Variants in FCHSD1 observed in about 807,000 individuals in gnomAD.
FCHSD1 encodes the protein FCH and double SH3 domains 1.
Under a neutral mutation model 101.3 loss-of-function variants are expected in FCHSD1, and 109 were observed. The observed-to-expected ratio is 1.08, with a 90% CI of 0.92 to 1.26. FCHSD1 has a LOEUF of 1.26. Among genes scored for constraint, FCHSD1 ranks in the 50% most tolerant of loss-of-function variants. The pLI, the probability that FCHSD1 is intolerant of heterozygous loss-of-function variation, is 0.00. For synonymous variants in FCHSD1, 291 were observed against 356.8 expected (o/e 0.82, Z 2.08); for missense variants, 820 against 895.8 (o/e 0.92, Z 1.08).
Position 141,648,080 on chromosome 5 carries a change from G to A in FCHSD1, c.593C>T (p.Ala198Val). The A allele has an allele frequency of 4.3e-6, 7 of 1,612,554 alleles. No individual in the cohort carries two copies. Among genetic ancestry groups the A allele is most frequent in the Non-Finnish European group, 5.9e-6 (7 of 1,178,902 alleles). The change falls in exon 8 of 20, where the codon GCC (alanine) becomes GTC (valine). Residue 198 changes from alanine to valine, a missense_variant. Ala to Val is a moderately conservative substitution (Grantham distance 64, BLOSUM62 0). Transcript: ENST00000435817. ...KLSTKLSAQS[A>V]QYSQQLQAAR... ...TGCTTGCAGCTGCTGGGAGTACTGG[G>A]CTGACTGGGCGGACAGCTAGGAGGG...
intron 3 of FCHSD1, 47 bp downstream of exon 3, chr5:141,650,312 T>C: frequency 1.2e-6 from 2 of 1,612,044 alleles, no homozygotes; most frequent in Non-Finnish European, 8.5e-7. Context: ...ACTGGTGATA[T>C]AAGAGAGGCT....
At chr5:141,646,272 G>C (rs1326476292) in intron 11 of FCHSD1, 81 bp from the exon 12 acceptor site, 2 of 1,231,836 alleles carry the variant, frequency 1.6e-6, no homozygotes, top group Non-Finnish European at 2.3e-6. Context: ...TTTGCTAGTT[G>C]CATCACATAC....
At chr5:141,641,618 C>G in intron 19 of FCHSD1, 55 bp from the exon 20 acceptor site, 1 of 1,605,092 alleles carries the variant, frequency 6.2e-7, no homozygotes, top group Non-Finnish European at 8.5e-7. Flanking sequence ...GTATCCCTGT[C>G]TATTCCCTCA....
chr5:141,643,219 T>TGTGG, intron 17 of FCHSD1, 131 bp from the exon 18 acceptor site: 1 of 563,496 alleles, frequency 1.8e-6, no homozygotes, highest in Non-Finnish European at 2.9e-6. Flanking sequence ...TTGCATTCGG[T>TGTGG]GGGGGGGTGT....
intron 18 of FCHSD1, 117 bp downstream of exon 18, chr5:141,642,884 C>T (rs1161964079): frequency 9.7e-7 from 1 of 1,026,356 alleles, no homozygotes; most frequent in Non-Finnish European, 1.4e-6. Context: ...GGCAAGTGCT[C>T]TCCACCAAGC....
chr5:141,643,848 CAA>C (rs56206715), intron 17 of FCHSD1, among the ~76,000 whole-genome samples: 12 of 124,988 alleles, frequency 9.6e-5, no homozygotes, highest in Non-Finnish European at 1.0e-4. Context: ...AACTCTGTCT[CAA>C]AAAAAAAAAA....
Position 141,649,455 on chromosome 5 carries a change from G to A in FCHSD1, c.315C>T (p.Asp105=), listed in dbSNP as rs779213216. 1.2e-6 allele frequency: 2 copies of A among 1,613,980 alleles called. No homozygotes were observed. The highest frequency in any genetic ancestry group is 1.1e-5 in the South Asian group (1 of 91,090). The stretch of plus-strand genomic sequence containing the variant: ...TACCCCCTGCTAGGTCACGGTATCG[G>A]TCAGACGCCTGGAGTCGGGTTTGGC... ...AGGQTRLQAS[D]RYRDLAGGTG... Residue 105 remains aspartate, a synonymous_variant, in exon 5 of 20, where the codon GAC becomes GAT. Transcript: ENST00000435817. The surrounding 1 kb of genome is among the most constrained non-coding windows in gnomAD (Gnocchi z 4.1).
rs767048524 is a variant in FCHSD1, at chr5:141,646,634, C to T, written c.1013G>A (p.Arg338His). Residue 338 changes from arginine (R) to histidine (H), a missense_variant, in exon 11 of 20, where the codon CGT (arginine) becomes CAT (histidine). By Grantham distance (29) the Arg-to-His change is conservative (BLOSUM62 0). Coordinates refer to ENST00000435817, the MANE Select transcript of FCHSD1 (RefSeq NM_033449.3). ...EVQRLTSRAA[R>H]DYKIQNHGHR... is the part of the protein sequence containing the mutation. Reference sequence around the variant, plus strand: ...CCCATGGTTCTGGATCTTGTAGTCACGGGCAGCTCGGCTGGTCAAGCGCTG... The same window carrying T: ...CCCATGGTTCTGGATCTTGTAGTCATGGGCAGCTCGGCTGGTCAAGCGCTG... 1.5e-5 allele frequency: 25 copies of T among 1,613,210 alleles called. No homozygotes were observed. The highest frequency in any genetic ancestry group is 2.2e-5 in the East Asian group (1 of 44,866).
chr5:141,641,671 A>G lies in FCHSD1; in HGVS notation c.2007+31T>C, dbSNP rs201011697. On this transcript the variant is annotated intron_variant, in intron 19 of 19. Coordinates refer to ENST00000435817, the MANE Select transcript of FCHSD1 (RefSeq NM_033449.3). Reference sequence around the variant, plus strand: ...GGACTGGTTGGAATAACCCCTCTACATACAATCTCCTCCAAGGCAAGGGCC... The same window carrying G: ...GGACTGGTTGGAATAACCCCTCTACGTACAATCTCCTCCAAGGCAAGGGCC... The G allele has an allele frequency of 8.7e-6, 14 of 1,613,770 alleles. No individual in the cohort carries two copies. The East Asian group carries it at 2.5e-4, about 28-fold the overall frequency.
At position 141,649,322 on chromosome 5, in the gene FCHSD1, T is replaced by G. The variant is rs1196027199; in HGVS notation, c.376-14A>C. 1 of 1,613,892 alleles carries G rather than the reference T, an allele frequency of 6.2e-7. No homozygotes were observed. The highest frequency in any genetic ancestry group is 8.5e-7 in the Non-Finnish European group (1 of 1,179,890). ...GTTCTCTGTTCCCTATTGGGATGCA[T>G]ACACAAAGTCCTTACCTAGACCACC... On this transcript the variant is annotated splice_polypyrimidine_tract_variant and intron_variant, in intron 5 of 19. Transcript: ENST00000435817. This position sits in a 1 kb window ranked among gnomAD's most constrained non-coding sequence, Gnocchi z 4.1.
chr5:141,640,339 G>T lies in FCHSD1; in HGVS notation c.*1159C>A. 6.2e-7 allele frequency: 1 copy of T among 1,613,990 alleles called. No homozygotes were observed. ...GACTGCACTGGGCTGGGCTCTTATT[G>T]CTCTCTACTCTGGGGGGCACTGATA... On this transcript the variant is annotated 3_prime_UTR_variant, in exon 20 of 20. Transcript: ENST00000435817.
chr5:141,642,079 T>C (rs937556431), intron 18 of FCHSD1: 2 of 515,414 alleles, frequency 3.9e-6, no homozygotes, highest in African/African-American at 1.9e-5. Flanking sequence ...CTTGGGGTGG[T>C]GGAGATGGTG....
At chr5:141,642,853 T>C (rs928718662) in intron 18 of FCHSD1, 148 bp downstream of exon 18, 2 of 690,728 alleles carry the variant, frequency 2.9e-6, no homozygotes, top group Middle Eastern at 4.1e-4. Context: ...CCTGAACCAG[T>C]CAGCCTGGCT....
rs2099906635 is a variant in FCHSD1, at chr5:141,639,885, G to C, written c.*1613C>G. On this transcript the variant is annotated 3_prime_UTR_variant, in exon 20 of 20. Transcript: ENST00000435817. This position sits in a 1 kb window ranked among gnomAD's most constrained non-coding sequence, Gnocchi z 4.4. ...GGGAGGGCCAAGCAGCCTCTGAGTT[G>C]TGGTCCTAAACCCCAGTGTTCCCTC... The C allele has an allele frequency of 1.9e-6, 3 of 1,609,944 alleles. No homozygotes were observed. In the Admixed American group the frequency reaches 5.0e-5, roughly 27 times the overall value.
rs541018848 is a variant in FCHSD1 at position 141,642,889 on chromosome 5, C to T, written c.1951+112G>A. The T allele has an allele frequency of 1.2e-5, 13 of 1,094,934 alleles. No individual in the cohort carries two copies. The African/African-American group carries it at 1.9e-4, about 16-fold the overall frequency. 67.8% of individuals were successfully genotyped at this position (1,094,934 alleles called of 1,614,324 possible). A position where few individuals can be genotyped will look rare whatever the true frequency, so the allele number is the denominator to read the frequency against. ...CCAGAGCCCAGGCAAGTGCTCTCCA[C>T]CAAGCAAGATGCCTGAAGGCACGGA... On this transcript the variant is annotated intron_variant, in intron 18 of 19. Coordinates refer to ENST00000435817, the MANE Select transcript of FCHSD1 (RefSeq NM_033449.3).
At position 141,648,072 on chromosome 5, in the gene FCHSD1, A is replaced by G; in HGVS notation, c.601T>C (p.Ser201Pro). The G allele has an allele frequency of 6.2e-7, 1 of 1,613,122 alleles. No individual in the cohort carries two copies. Among genetic ancestry groups the G allele is most frequent in the Non-Finnish European group, 8.5e-7 (1 of 1,179,314 alleles). Residue 201 changes from serine to proline, a missense_variant, in exon 8 of 20, where the codon TCC becomes CCC. Ser to Pro is a moderately conservative substitution (Grantham distance 74, BLOSUM62 -1). Coordinates refer to ENST00000435817, the MANE Select transcript of FCHSD1 (RefSeq NM_033449.3). ...TTGCGGGCTGCTTGCAGCTGCTGGG[A>G]GTACTGGGCTGACTGGGCGGACAGC... Reference protein sequence around the residue: ...TKLSAQSAQYSQQLQAARNEY... With the variant: ...TKLSAQSAQYPQQLQAARNEY...
At chr5:141,643,567 C>A (rs940829047) in intron 17 of FCHSD1, among the ~76,000 whole-genome samples, 7 of 152,330 alleles carry the variant, frequency 4.6e-5, no homozygotes, top group Admixed American at 3.9e-4. Context: ...GGCTTTGCCT[C>A]GGCGGGGCGC....
At position 141,646,076 on chromosome 5, in the gene FCHSD1, G is replaced by A. The variant is rs768542887; in HGVS notation, c.1149+11C>T. The A allele has an allele frequency of 9.0e-5, 145 of 1,604,424 alleles. No individual in the cohort carries two copies. Among genetic ancestry groups the A allele is most frequent in the Non-Finnish European group, 1.1e-4 (130 of 1,175,440 alleles). On this transcript the variant is annotated intron_variant, in intron 12 of 19. Transcript: ENST00000435817. ...GAAGGTGGGATCTCTAACCTCAGGG[G>A]TGTGCCTCACCTGTGCCCGGCGGAT...
At chr5:141,648,927 T>C (rs1342581997) in intron 7 of FCHSD1, 30 bp downstream of exon 7, 1 of 1,613,274 alleles carries the variant, frequency 6.2e-7, no homozygotes, top group Admixed American at 1.7e-5. Flanking sequence ...CCCTCTTCCC[T>C]GCCCCCACTC....
Sources: gnomAD v4.1 joint callset for allele counts (sites outside exome capture counted in the v4.1 genomes callset) on GRCh38, gnomAD v4.1.1 for gene constraint, Gnocchi (gnomAD v3.1) non-coding constraint, MANE v1.5 for transcripts, NCBI Gene and HGNC (gene_info 2026-07-23, HGNC 2026-07-21) for gene names.